Variants in IL1RAPL1 observed in about 807,000 individuals in gnomAD.
IL1RAPL1 encodes the protein interleukin 1 receptor accessory protein like 1.
A neutral mutation model predicts 48.4 loss-of-function variants in IL1RAPL1; 3 were observed. The observed-to-expected ratio is 0.06, with a 90% CI of 0.03 to 0.16. The LOEUF (loss-of-function observed/expected upper bound fraction) is 0.16. Ranked by LOEUF, IL1RAPL1 falls within the 10% of genes least tolerant of loss-of-function variation. The pLI is 1.00. For synonymous variants in IL1RAPL1, 185 were observed against 187.7 expected, an observed-to-expected ratio of 0.99 and a Z score of 0.12; for missense variants, 349 against 530.6, an observed-to-expected ratio of 0.66 and a Z score of 3.36.
intron 1 of IL1RAPL1, among the ~76,000 whole-genome samples, chrX:28,703,909 C>T (rs1217697376): frequency 9.0e-6 from 1 of 111,713 alleles, no homozygotes; most frequent in Non-Finnish European, 1.9e-5. Context: ...CATTTCCTAC[C>T]TAGCTTGCTC....
intron 5 of IL1RAPL1, among the ~76,000 whole-genome samples, chrX:29,463,555 G>A (rs1414281218): frequency 9.0e-6 from 1 of 110,901 alleles, no homozygotes; most frequent in Admixed American, 9.6e-5. Flanking sequence ...ACTTACTTGG[G>A]GTTTAAAAGA....
intron 6 of IL1RAPL1, among the ~76,000 whole-genome samples, chrX:29,759,856 A>G (rs1437815908): frequency 8.9e-6 from 1 of 111,984 alleles, no homozygotes; most frequent in African/African-American, 3.2e-5. Flanking sequence ...TGGTCTTTAT[A>G]TAGTGTTTGA....
chrX:29,106,827 A>G (rs6653560), intron 2 of IL1RAPL1, among the ~76,000 whole-genome samples: 7 of 111,045 alleles, frequency 6.3e-5, no homozygotes, highest in African/African-American at 1.3e-4. Context: ...TTTATTTTAT[A>G]TTTTCTTGTT....
Position 28,792,848 on chromosome X carries a change from TATAA to T in IL1RAPL1, c.82+3425_82+3428del, listed in dbSNP as rs1423414587. On this transcript the variant is annotated intron_variant, in intron 2 of 10. Transcript: ENST00000378993. ...ATATATATATATATATATATATATA[TATAA>T]AAAATAAGGCAATTATATCATTATA... 9.6e-3 allele frequency among the ~76,000 whole-genome samples: 545 copies of T among 56,984 alleles called. 7 individuals are homozygous for T. The highest frequency in any genetic ancestry group is 0.017 in the African/African-American group (170 of 9,866). 49.5% of individuals were successfully genotyped at this position (56,984 alleles called of 115,157 possible). A position where few individuals can be genotyped will look rare whatever the true frequency, so the allele number is the denominator to read the frequency against.
At position 29,031,923 on chromosome X, in the gene IL1RAPL1, G is replaced by C. The variant is rs370117085; in HGVS notation, c.82+242498G>C. Among the ~76,000 whole-genome samples the C allele has an allele frequency of 1.2e-3, 131 of 111,817 alleles. 1 individual carries two copies. In the South Asian group the frequency reaches 0.027, roughly 23 times the overall value. On this transcript the variant is annotated intron_variant, in intron 2 of 10. Coordinates refer to ENST00000378993, the MANE Select transcript of IL1RAPL1 (RefSeq NM_014271.4). ...TAAGTTTCTTCATATGTCAAAGAAG[G>C]TGATAATACCTAATTTTAAATGATG...
intron 6 of IL1RAPL1, among the ~76,000 whole-genome samples, chrX:29,833,359 AACTT>A (rs1232405588): frequency 9.1e-6 from 1 of 110,128 alleles, no homozygotes; most frequent in African/African-American, 3.3e-5. Context: ...ATTTTTTTTT[AACTT>A]GGGGGGTTCT....
In IL1RAPL1 at chrX:28,961,009, C is replaced by CAAAAAAA. The variant is rs397947609; in HGVS notation, c.82+171605_82+171611dup. On this transcript the variant is annotated intron_variant, in intron 2 of 10. Coordinates refer to ENST00000378993, the MANE Select transcript of IL1RAPL1 (RefSeq NM_014271.4). Reference sequence around the variant, plus strand: ...TGGGCGACAGAGCGAGACTCCGTCTCAAAAAAAAAAAAAAAAAAAAAAAAA... The same window carrying CAAAAAAA: ...TGGGCGACAGAGCGAGACTCCGTCTCAAAAAAAAAAAAAAAAAAAAAAAAAAAAAAAA... 1.2e-3 allele frequency among the ~76,000 whole-genome samples: 21 copies of CAAAAAAA among 17,490 alleles called. 2 individuals are homozygous for CAAAAAAA. The highest frequency in any genetic ancestry group is 3.6e-3 in the East Asian group (2 of 558). The allele number at this position is 17,490 out of a possible 115,157, so 15.2% of individuals were successfully genotyped here. A position where few individuals can be genotyped will look rare whatever the true frequency, so the allele number is the denominator to read the frequency against.
intron 2 of IL1RAPL1, among the ~76,000 whole-genome samples, chrX:29,191,836 C>T (rs1930357531): frequency 1.8e-5 from 2 of 111,745 alleles, no homozygotes; most frequent in African/African-American, 6.5e-5. Context: ...CATTTAGAAG[C>T]TCTTTTCACA....
At chrX:29,479,094 T>A (rs777219963) in intron 5 of IL1RAPL1, among the ~76,000 whole-genome samples, 1 of 109,613 alleles carries the variant, frequency 9.1e-6, no homozygotes, top group South Asian at 4.0e-4. Flanking sequence ...TAGCATGTAG[T>A]ATCTTTTAAA....
intron 2 of IL1RAPL1, among the ~76,000 whole-genome samples, chrX:28,932,887 T>G (rs1397706382): frequency 2.7e-5 from 3 of 111,143 alleles, no homozygotes; most frequent in Non-Finnish European, 5.7e-5. Flanking sequence ...ATTTTCAAAA[T>G]GCCAAAGTTA....
chrX:29,195,351 T>C (rs746432974), intron 2 of IL1RAPL1, among the ~76,000 whole-genome samples: 1 of 110,869 alleles, frequency 9.0e-6, no homozygotes, highest in East Asian at 2.9e-4. Flanking sequence ...GATAAAGTGC[T>C]ATGGAAGACC....
At chrX:29,153,920 C>G (rs1038047034) in intron 2 of IL1RAPL1, among the ~76,000 whole-genome samples, 2 of 112,055 alleles carry the variant, frequency 1.8e-5, no homozygotes, top group African/African-American at 6.5e-5. Context: ...AAACTGAACA[C>G]AAGAAGGAAT....
chrX:29,201,457 T>A (rs1930553684), intron 2 of IL1RAPL1, among the ~76,000 whole-genome samples: 1 of 111,747 alleles, frequency 8.9e-6, no homozygotes. Flanking sequence ...GTTTTTTAAC[T>A]AAAGGCAATT....
intron 2 of IL1RAPL1, among the ~76,000 whole-genome samples, chrX:28,934,368 C>T (rs886940707): frequency 9.0e-6 from 1 of 111,080 alleles, no homozygotes; most frequent in African/African-American, 3.3e-5. Flanking sequence ...CGCTAACTGC[C>T]TTATTAAGAT....
intron 1 of IL1RAPL1, among the ~76,000 whole-genome samples, chrX:28,645,159 C>T (rs1205144454): frequency 1.9e-5 from 2 of 107,948 alleles, no homozygotes; most frequent in Non-Finnish European, 3.8e-5. Flanking sequence ...ACCAGCCTGA[C>T]CTACATGGAG....
rs757418985 is a variant in IL1RAPL1, at chrX:28,894,088, G to GT, written c.82+104670dup. On this transcript the variant is annotated intron_variant, in intron 2 of 10. Transcript: ENST00000378993. Reference sequence around the variant, plus strand: ...TGGAAGTAAAGCGGCTTTGAGAAGCGTTTTTTTATTAAAGAGGTATTAATG... The same window carrying GT: ...TGGAAGTAAAGCGGCTTTGAGAAGCGTTTTTTTTATTAAAGAGGTATTAATG... 9.8e-3 allele frequency among the ~76,000 whole-genome samples: 1,098 copies of GT among 112,088 alleles called. 13 individuals are homozygous for GT. Among genetic ancestry groups the GT allele is most frequent in the African/African-American group, 0.034 (1,032 of 30,802 alleles).
intron 2 of IL1RAPL1, among the ~76,000 whole-genome samples, chrX:28,828,113 A>T (rs1404960709): frequency 8.9e-6 from 1 of 111,793 alleles, no homozygotes; most frequent in African/African-American, 3.2e-5. Flanking sequence ...AAATTGAAAG[A>T]TAAATTTAGA....
chrX:29,471,104 C>G (rs148297781), intron 5 of IL1RAPL1, among the ~76,000 whole-genome samples: 1 of 110,572 alleles, frequency 9.0e-6, no homozygotes, highest in African/African-American at 3.3e-5. Flanking sequence ...TACCCAAAGT[C>G]GAGAAAGTAC....
intron 5 of IL1RAPL1, among the ~76,000 whole-genome samples, chrX:29,621,125 G>A (rs1569129999): frequency 8.9e-6 from 1 of 111,946 alleles, no homozygotes; most frequent in Non-Finnish European, 1.9e-5. Flanking sequence ...GCATAAGCAA[G>A]TTTTTATTCT....
Sources: gnomAD v4.1 joint callset for allele counts (sites outside exome capture counted in the v4.1 genomes callset) on GRCh38, gnomAD v4.1.1 for gene constraint, MANE v1.5 for transcripts, NCBI Gene and HGNC (gene_info 2026-07-23, HGNC 2026-07-21) for gene names.